PPP1R16B: variants seen among roughly 807,000 people sequenced by gnomAD.
PPP1R16B encodes protein phosphatase 1 regulatory inhibitor subunit 16B.
PPP1R16B carries 14 observed loss-of-function variants against 61.7 expected under a neutral mutation model. The observed-to-expected ratio is 0.23, with a 90% confidence interval of 0.15 to 0.35. PPP1R16B has a LOEUF of 0.35. PPP1R16B is among the 10% of genes least tolerant of loss of function. PPP1R16B has a pLI of 1.00. For synonymous variants in PPP1R16B, 266 were observed against 305.3 expected, an observed-to-expected ratio of 0.87 and a Z score of 1.34; for missense variants, 547 against 752.5, an observed-to-expected ratio of 0.73 and a Z score of 3.19.
At chr20:38,809,300 C>T (rs1333466402) in intron 1 of PPP1R16B, among the ~76,000 whole-genome samples, 2 of 152,046 alleles carry the variant, frequency 1.3e-5, no homozygotes, top group African/African-American at 4.8e-5. Context: ...AGCTTTTCCC[C>T]GGGGAGTCTG....
At chr20:38,909,049 T>G (rs185274279) in intron 10 of PPP1R16B, among the ~76,000 whole-genome samples, 80 of 152,308 alleles carry the variant, frequency 5.3e-4, no homozygotes, top group Non-Finnish European at 1.3e-4. Flanking sequence ...TCACTCAGGC[T>G]GGAGTGCAGT....
intron 1 of PPP1R16B, among the ~76,000 whole-genome samples, chr20:38,820,882 T>A (rs2084768967): frequency 6.6e-6 from 1 of 150,376 alleles, no homozygotes; most frequent in East Asian, 2.0e-4. Flanking sequence ...AATATATATA[T>A]ATATAAAAAT....
intron 2 of PPP1R16B, among the ~76,000 whole-genome samples, chr20:38,888,595 G>A (rs968251042): frequency 3.3e-5 from 5 of 152,142 alleles, no homozygotes; most frequent in African/African-American, 9.7e-5. Context: ...CCTCATCCAC[G>A]GGGAGAGGCA....
chr20:38,829,261 T>C (rs1055546955), intron 1 of PPP1R16B, among the ~76,000 whole-genome samples: 39 of 152,370 alleles, frequency 2.6e-4, no homozygotes, highest in African/African-American at 9.4e-4. Context: ...CAAACTATTT[T>C]GGTTCATCCA....
intron 2 of PPP1R16B, among the ~76,000 whole-genome samples, chr20:38,875,211 T>C (rs2085157582): frequency 6.6e-6 from 1 of 152,174 alleles, no homozygotes. Context: ...CTACATCCTG[T>C]CCTGGTCCTC....
intron 1 of PPP1R16B, among the ~76,000 whole-genome samples, chr20:38,809,219 G>A (rs2084682779): frequency 6.6e-6 from 1 of 151,176 alleles, no homozygotes; most frequent in Non-Finnish European, 1.5e-5. Context: ...CCATCAGGAC[G>A]GGGAAAGCCT....
At chr20:38,809,675 CTG>C (rs1156323154) in intron 1 of PPP1R16B, among the ~76,000 whole-genome samples, 2 of 152,208 alleles carry the variant, frequency 1.3e-5, no homozygotes, top group African/African-American at 2.4e-5. Context: ...AAGTGAGACA[CTG>C]TGGATAAAAA....
chr20:38,870,769 T>G (rs1268130619), intron 2 of PPP1R16B, among the ~76,000 whole-genome samples: 1 of 152,178 alleles, frequency 6.6e-6, no homozygotes, highest in Admixed American at 6.5e-5. Flanking sequence ...CCAATTTCCT[T>G]GCTGCGTTCT....
chr20:38,823,712 T>A (rs780498772), intron 1 of PPP1R16B, among the ~76,000 whole-genome samples: 51 of 151,656 alleles, frequency 3.4e-4, no homozygotes, highest in Non-Finnish European at 6.3e-4. Flanking sequence ...CCATAGGGGG[T>A]TGAGCCTATA....
chr20:38,822,504 CT>C (rs972450839), intron 1 of PPP1R16B, among the ~76,000 whole-genome samples: 3,062 of 104,198 alleles, frequency 0.029, 28 homozygotes, highest in Admixed American at 0.057. Flanking sequence ...GCCTTCCAAT[CT>C]TTTTTTTTTT....
At chr20:38,893,614 C>T (rs547241311) in intron 3 of PPP1R16B, among the ~76,000 whole-genome samples, 6 of 138,670 alleles carry the variant, frequency 4.3e-5, no homozygotes, top group Non-Finnish European at 8.1e-5. Flanking sequence ...AGGCGGCTGA[C>T]TGCCAGGTGC....
rs997633666 is a variant in PPP1R16B at position 38,904,988 on chromosome 20, C to G, written c.697-981C>G. Among the ~76,000 whole-genome samples, 72 of 152,298 alleles carry G rather than the reference C, an allele frequency of 4.7e-4. 1 individual carries two copies. The highest frequency in any genetic ancestry group is 1.7e-3 in the African/African-American group (70 of 41,554). On this transcript the variant is annotated intron_variant, in intron 6 of 10. Coordinates refer to ENST00000299824, the MANE Select transcript of PPP1R16B (RefSeq NM_015568.4). The stretch of plus-strand genomic sequence containing the variant: ...TACTGAGTGTTCATTATGGGCTAAG[C>G]TATTTATGTATTTTGGGGGCAAATT...
intron 2 of PPP1R16B, among the ~76,000 whole-genome samples, chr20:38,852,237 G>T (rs138769277): frequency 6.6e-6 from 1 of 152,320 alleles, no homozygotes; most frequent in African/African-American, 2.4e-5. Flanking sequence ...TGATCTTGGC[G>T]TAATCATTAA....
intron 2 of PPP1R16B, among the ~76,000 whole-genome samples, chr20:38,869,926 ATT>A (rs879259446): frequency 1.4e-5 from 2 of 145,684 alleles, no homozygotes; most frequent in Non-Finnish European, 3.0e-5. Flanking sequence ...TTATTTATTT[ATT>A]TTTTTTTTTT....
chr20:38,863,477 G>A (rs948852507), intron 2 of PPP1R16B, among the ~76,000 whole-genome samples: 7 of 152,326 alleles, frequency 4.6e-5, no homozygotes, highest in East Asian at 1.9e-4. Flanking sequence ...CTGTCTCCCC[G>A]TAGCCTGAGC....
chr20:38,836,458 C>G (rs2084873019), intron 2 of PPP1R16B, among the ~76,000 whole-genome samples: 1 of 152,282 alleles, frequency 6.6e-6, no homozygotes, highest in East Asian at 1.9e-4. Context: ...CTCAAGTGAT[C>G]CTTCCACCTC....
At chr20:38,864,338 G>A (rs1211446040) in intron 2 of PPP1R16B, among the ~76,000 whole-genome samples, 1 of 152,166 alleles carries the variant, frequency 6.6e-6, no homozygotes, top group Non-Finnish European at 1.5e-5. Context: ...GAATTGTATG[G>A]CATGTGAATT....
intron 10 of PPP1R16B, among the ~76,000 whole-genome samples, chr20:38,912,502 C>A (rs1308260968): frequency 5.1e-5 from 6 of 117,386 alleles, no homozygotes; most frequent in African/African-American, 1.7e-4. Flanking sequence ...CTACCCCCCA[C>A]CAAAAAAAAA....
intron 4 of PPP1R16B, among the ~76,000 whole-genome samples, chr20:38,899,255 A>G (rs780700149): frequency 3.3e-5 from 5 of 152,192 alleles, no homozygotes; most frequent in Non-Finnish European, 5.9e-5. Context: ...GCCTGTGCCT[A>G]TGTCTCTGAT....
Sources: gnomAD v4.1 joint callset for allele counts (sites outside exome capture counted in the v4.1 genomes callset) on GRCh38, gnomAD v4.1.1 for gene constraint, MANE v1.5 for transcripts, NCBI Gene and HGNC (gene_info 2026-07-23, HGNC 2026-07-21) for gene names.